The following DIPK2B variants were observed in gnomAD, a reference collection of about 807,000 sequenced individuals.
DIPK2B encodes the protein divergent protein kinase domain 2B.
Under a neutral mutation model 22.2 loss-of-function variants are expected in DIPK2B, and 15 were observed. The ratio of observed to expected loss-of-function variants is 0.68; its 90% CI spans 0.45 to 1.04. DIPK2B has a LOEUF of 1.04. DIPK2B is among the 50% of genes least tolerant of loss of function. DIPK2B has a pLI of 0.00. For synonymous variants in DIPK2B, 163 were observed against 153.2 expected, an observed-to-expected ratio of 1.06 and a Z score of -0.47; for missense variants, 345 against 348.3, an observed-to-expected ratio of 0.99 and a Z score of 0.08.
At chrX:45,162,053 C>T (rs771713429) in intron 2 of DIPK2B, among the ~76,000 whole-genome samples, 13 of 111,095 alleles carry the variant, frequency 1.2e-4, no homozygotes, top group African/African-American at 2.0e-4. Flanking sequence ...TGCTTTTGTA[C>T]CTAACCACCA....
chrX:45,162,632 T>G (rs1317440845), intron 2 of DIPK2B: 2 of 753,023 alleles, frequency 2.7e-6, no homozygotes, highest in African/African-American at 4.6e-5. Context: ...ATTTTGGGGA[T>G]TACCAATTGC....
rs149014709 is a variant in DIPK2B, at chrX:45,151,623, G to A, written c.*29C>T. ...GGGAGAATGGAGAGCCAAGCGTGTT[G>A]TCCCCAAGGCCAGCTAGACACCAGC... On this transcript the variant is annotated 3_prime_UTR_variant, in exon 5 of 5. Coordinates refer to ENST00000398000, the MANE Select transcript of DIPK2B (RefSeq NM_176819.4). 5,186 of 1,176,824 alleles carry A rather than the reference G, an allele frequency of 4.4e-3. 65 individuals carry two copies. In the South Asian group the frequency reaches 0.054, roughly 12 times the overall value.
Position 45,191,784 on chromosome X carries a change from C to A in DIPK2B, c.465G>T (p.Leu155=), listed in dbSNP as rs768410054. The A allele has an allele frequency of 1.7e-6, 2 of 1,211,960 alleles. No homozygotes were observed. The highest frequency in any genetic ancestry group is 4.3e-5 in the Admixed American group (2 of 46,116). ...GGTCCGGCGTGAGGCGCTTGGCCTGCAGCCATTTCTGGAACCTCTCTGTTT... is the reference window on the plus strand; with the variant it reads ...GGTCCGGCGTGAGGCGCTTGGCCTGAAGCCATTTCTGGAACCTCTCTGTTT... ...LRKTERFQKW[L]QAKRLTPDLV... The change falls in exon 2 of 5, where the codon CTG becomes CTT. Residue 155 remains leucine, a synonymous_variant. Coordinates refer to ENST00000398000, the MANE Select transcript of DIPK2B (RefSeq NM_176819.4).
At chrX:45,179,942 G>A (rs2047140523) in intron 2 of DIPK2B, among the ~76,000 whole-genome samples, 1 of 111,454 alleles carries the variant, frequency 9.0e-6, no homozygotes, top group Non-Finnish European at 1.9e-5. Context: ...ATCATACTGA[G>A]GGTATATTAA....
At chrX:45,161,284 G>A (rs748096426) in intron 2 of DIPK2B, among the ~76,000 whole-genome samples, 1 of 112,603 alleles carries the variant, frequency 8.9e-6, no homozygotes, top group South Asian at 3.7e-4. Flanking sequence ...GCCCATGCCT[G>A]TTATCCCAGC....
rs1254212310 is a variant in DIPK2B at position 45,155,025 on chromosome X, C to T, written c.673-827G>A. On this transcript the variant is annotated intron_variant, in intron 3 of 4. Coordinates refer to ENST00000398000, the MANE Select transcript of DIPK2B (RefSeq NM_176819.4). ...AACAGTGGCTGGGTACAGTGGCTCA[C>T]GCCTGTAATCCCAGCACTTTGGGAG... Among the ~76,000 whole-genome samples the T allele has an allele frequency of 7.1e-5, 8 of 112,556 alleles. 1 individual carries two copies. The highest frequency in any genetic ancestry group is 3.8e-4 in the Admixed American group (4 of 10,638).
At chrX:45,167,148 T>C (rs1253841882) in intron 2 of DIPK2B, among the ~76,000 whole-genome samples, 2 of 112,326 alleles carry the variant, frequency 1.8e-5, no homozygotes, top group Non-Finnish European at 3.7e-5. Context: ...TTCTCCAAGC[T>C]GTATTGTATT....
chrX:45,156,846 CTT>C (rs1394899534), intron 3 of DIPK2B, among the ~76,000 whole-genome samples: 3 of 111,444 alleles, frequency 2.7e-5, no homozygotes, highest in Non-Finnish European at 5.7e-5. Context: ...TATTAACTGT[CTT>C]TGCTGTGGCT....
chrX:45,199,135 A>G (rs2047254866), intron 1 of DIPK2B, among the ~76,000 whole-genome samples: 1 of 112,411 alleles, frequency 8.9e-6, no homozygotes, highest in Non-Finnish European at 1.9e-5. Flanking sequence ...AAAAGGCTTA[A>G]TAGGAAAAGT....
At position 45,148,426 on chromosome X, in the gene DIPK2B, G is replaced by A. The variant is rs2046943780; in HGVS notation, c.*3226C>T. The A allele has an allele frequency of 9.0e-6, 1 of 111,153 alleles. No individual in the cohort carries two copies. Among genetic ancestry groups the A allele is most frequent in the Non-Finnish European group, 1.9e-5 (1 of 53,064 alleles). 9.2% of individuals were successfully genotyped at this position (111,153 alleles called of 1,213,427 possible). ...GGTTTATGGTTCTGCAGGTGGTACA[G>A]GAAGTGTGGGGCTGGCATCTGCTTC... On this transcript the variant is annotated 3_prime_UTR_variant, in exon 5 of 5. Coordinates refer to ENST00000398000, the MANE Select transcript of DIPK2B (RefSeq NM_176819.4).
chrX:45,199,513 C>G (rs2047256412), intron 1 of DIPK2B, among the ~76,000 whole-genome samples: 1 of 111,359 alleles, frequency 9.0e-6, no homozygotes, highest in South Asian at 3.8e-4. Flanking sequence ...CACATACACC[C>G]CATGCTCTAG....
intron 1 of DIPK2B, among the ~76,000 whole-genome samples, chrX:45,198,798 C>A (rs907078865): frequency 3.6e-5 from 4 of 111,449 alleles, no homozygotes; most frequent in Non-Finnish European, 5.6e-5. Context: ...TTTTCCTAGG[C>A]GGAAAACCTT....
chrX:45,161,238 T>C (rs1321482834), intron 2 of DIPK2B, among the ~76,000 whole-genome samples: 1 of 112,315 alleles, frequency 8.9e-6, no homozygotes, highest in Non-Finnish European at 1.9e-5. Context: ...GTTTCTTTTA[T>C]GTTTTTTAAA....
chrX:45,186,605 C>G (rs1245006841), intron 2 of DIPK2B, among the ~76,000 whole-genome samples: 4 of 112,574 alleles, frequency 3.6e-5, no homozygotes, highest in African/African-American at 1.3e-4. Context: ...TTAAAACAAA[C>G]AAACAAACAA....
chrX:45,186,698 A>C (rs1488001263), intron 2 of DIPK2B, among the ~76,000 whole-genome samples: 1 of 112,261 alleles, frequency 8.9e-6, no homozygotes, highest in Non-Finnish European at 1.9e-5. Flanking sequence ...CCAGCTGTGA[A>C]TCCAACATAA....
chrX:45,179,006 A>G (rs1404173391), intron 2 of DIPK2B, among the ~76,000 whole-genome samples: 1 of 111,382 alleles, frequency 9.0e-6, no homozygotes, highest in Non-Finnish European at 1.9e-5. Flanking sequence ...ACACAAACAA[A>G]GCCTAAAATC....
chrX:45,151,916 C>T lies in DIPK2B; in HGVS notation c.1038G>A (p.Leu346=). 2 of 1,206,944 alleles carry T rather than the reference C, an allele frequency of 1.7e-6. No individual in the cohort carries two copies. Among genetic ancestry groups the T allele is most frequent in the Non-Finnish European group, 1.1e-6 (1 of 892,713 alleles). The part of the protein sequence containing the change: ...SCLVSGCQAQ[L]PSCESISEKQ... The stretch of plus-strand genomic sequence containing the variant: ...TCTCAGAGATGCTTTCGCAGGAGGG[C>T]AGCTGGGCCTGGCAGCCGGAAACCA... Residue 346 remains leucine, a synonymous_variant, in exon 5 of 5, where the codon CTG becomes CTA. Transcript: ENST00000398000.
At position 45,164,169 on chromosome X, in the gene DIPK2B, T is replaced by C. The variant is rs1038569067; in HGVS notation, c.499-6281A>G. The C allele has an allele frequency of 4.9e-5, 58 of 1,189,827 alleles. 1 individual carries two copies. The highest frequency in any genetic ancestry group is 6.0e-5 in the Non-Finnish European group (53 of 882,632). ...AACACTTTCTGGAAGTTCTCAGTGC[T>C]GGGCTCCATGCCAGGCTTTTTCACT... On this transcript the variant is annotated intron_variant, in intron 2 of 4. Coordinates refer to ENST00000398000, the MANE Select transcript of DIPK2B (RefSeq NM_176819.4).
chrX:45,192,080 G>A (rs2047214701), intron 1 of DIPK2B, 65 bp from the exon 2 acceptor site: 2 of 1,033,734 alleles, frequency 1.9e-6, no homozygotes, highest in South Asian at 2.3e-5. Flanking sequence ...CCCAGGGACA[G>A]GAAGACAGGG....
Sources: allele counts gnomAD v4.1 joint callset (sites outside exome capture counted in the v4.1 genomes callset), GRCh38; gene constraint gnomAD v4.1.1; transcripts MANE v1.5; gene names NCBI Gene and HGNC (gene_info 2026-07-23, HGNC 2026-07-21).